Variants in RSRC1 observed in about 807,000 individuals in gnomAD.
The protein encoded by RSRC1 is serine/Arginine-related protein 53.
RSRC1 carries 39 observed loss-of-function variants against 49.1 expected under a neutral mutation model. That is an observed-to-expected ratio of 0.79 (90% CI 0.61 to 1.04). RSRC1 has a LOEUF of 1.04. Among genes scored for constraint, RSRC1 ranks in the 50% least tolerant of loss-of-function variants. RSRC1 has a pLI of 0.00. For missense variants in RSRC1, 388 were observed against 402.4 expected (o/e 0.96, Z 0.31); for synonymous variants, 143 against 130.8 (o/e 1.09, Z -0.63).
intron 7 of RSRC1, chr3:158,469,409 A>G (rs781363847): frequency 7.0e-5 from 31 of 444,808 alleles, no homozygotes; most frequent in Non-Finnish European, 1.3e-4. Context: ...TGATGCATAT[A>G]TGATTCCTGT....
At chr3:158,267,860 A>ATTTTTTTTT (rs368565806) in intron 4 of RSRC1, among the ~76,000 whole-genome samples, 3 of 125,048 alleles carry the variant, frequency 2.4e-5, no homozygotes, top group Admixed American at 8.7e-5. Context: ...TTCCATATCT[A>ATTTTTTTTT]TTTTTTTTTT....
intron 6 of RSRC1, among the ~76,000 whole-genome samples, chr3:158,458,208 AAGG>A (rs5853826): frequency 0.12 from 17,769 of 152,084 alleles, 1,290 homozygotes; most frequent in South Asian, 0.18. Flanking sequence ...GATGCTGACT[AAGG>A]AGGAGCAATA....
chr3:158,143,290 T>C (rs1243663585), intron 3 of RSRC1, among the ~76,000 whole-genome samples: 1 of 152,170 alleles, frequency 6.6e-6, no homozygotes. Flanking sequence ...CAGGCAGGCT[T>C]TAAAATTACT....
At chr3:158,472,438 A>T (rs1738177149) in intron 7 of RSRC1, among the ~76,000 whole-genome samples, 2 of 152,174 alleles carry the variant, frequency 1.3e-5, no homozygotes, top group Non-Finnish European at 1.5e-5. Flanking sequence ...CCTGAAAAAA[A>T]TACAAAATAA....
In RSRC1 at chr3:158,229,263, T is replaced by C. The variant is rs1396197760; in HGVS notation, c.494+26018T>C. On this transcript the variant is annotated intron_variant, in intron 4 of 9. Transcript: ENST00000611884. ...GTATGTATATAAACATACATGTATA[T>C]GTGTATGTATGTATATAAACATACA... Among the ~76,000 whole-genome samples, 14 of 115,900 alleles carry C rather than the reference T, an allele frequency of 1.2e-4. 1 individual carries two copies. In the East Asian group the frequency reaches 3.0e-3, roughly 24 times the overall value. 76.0% of individuals were successfully genotyped at this position (115,900 alleles called of 152,430 possible).
intron 7 of RSRC1, among the ~76,000 whole-genome samples, chr3:158,516,471 G>C (rs1234192811): frequency 5.9e-5 from 9 of 151,896 alleles, no homozygotes; most frequent in African/African-American, 9.7e-5. Context: ...TCTCCAGCTG[G>C]GTGCTGGGAG....
At chr3:158,197,137 G>GT in intron 3 of RSRC1, among the ~76,000 whole-genome samples, 1 of 152,142 alleles carries the variant, frequency 6.6e-6, no homozygotes, top group East Asian at 1.9e-4. Context: ...GTCCTGGACT[G>GT]TTTTTGGTTG....
intron 4 of RSRC1, among the ~76,000 whole-genome samples, chr3:158,265,442 C>A (rs1031367467): frequency 3.4e-4 from 52 of 152,076 alleles, no homozygotes; most frequent in African/African-American, 1.3e-3. Context: ...ACCAGCCTGG[C>A]CAAGATGGTG....
chr3:158,536,623 C>G (rs1486157016), intron 7 of RSRC1, among the ~76,000 whole-genome samples: 2 of 151,308 alleles, frequency 1.3e-5, no homozygotes, highest in Non-Finnish European at 3.0e-5. Context: ...GAGATGCCTA[C>G]TAAAATATTT....
chr3:158,275,815 A>G (rs1725778223), intron 4 of RSRC1: 3 of 490,418 alleles, frequency 6.1e-6, no homozygotes, highest in South Asian at 2.1e-5. Flanking sequence ...TATATTAGTG[A>G]TAACAGTGGA....
intron 6 of RSRC1, among the ~76,000 whole-genome samples, chr3:158,435,219 A>T (rs1277647877): frequency 6.6e-6 from 1 of 151,590 alleles, no homozygotes; most frequent in Admixed American, 6.6e-5. Context: ...AATCTCTTGC[A>T]TTTTTTTTAA....
intron 5 of RSRC1, among the ~76,000 whole-genome samples, chr3:158,299,855 C>T (rs1727439320): frequency 6.6e-6 from 1 of 152,154 alleles, no homozygotes; most frequent in African/African-American, 2.4e-5. Flanking sequence ...GTGCCTTCGG[C>T]TGCCCAGAAA....
intron 3 of RSRC1, 31 bp from the exon 4 acceptor site, chr3:158,203,041 A>G: frequency 3.9e-6 from 6 of 1,540,852 alleles, no homozygotes; most frequent in Non-Finnish European, 5.3e-6. Flanking sequence ...ATTATACACT[A>G]AGTTTATTTA....
intron 3 of RSRC1, among the ~76,000 whole-genome samples, chr3:158,174,238 A>AT (rs909582828): frequency 6.6e-6 from 1 of 151,732 alleles, no homozygotes. Flanking sequence ...TGGTTGATTT[A>AT]TTTTTTTAAT....
intron 3 of RSRC1, among the ~76,000 whole-genome samples, chr3:158,199,110 A>C (rs1202024666): frequency 6.6e-6 from 1 of 152,160 alleles, no homozygotes; most frequent in South Asian, 2.1e-4. Context: ...ATTGGGTCTC[A>C]TGAGATCTGA....
At chr3:158,327,290 C>T (rs924238894) in intron 5 of RSRC1, among the ~76,000 whole-genome samples, 12 of 152,110 alleles carry the variant, frequency 7.9e-5, no homozygotes, top group African/African-American at 2.9e-4. Flanking sequence ...TGAATGTTTG[C>T]TCTTGCTTCT....
At chr3:158,237,504 C>G (rs1233928174) in intron 4 of RSRC1, among the ~76,000 whole-genome samples, 1 of 152,306 alleles carries the variant, frequency 6.6e-6, no homozygotes, top group Non-Finnish European at 1.5e-5. Flanking sequence ...TTGGTGTTGT[C>G]AGTCCTTTGA....
chr3:158,500,074 A>C (rs1474785521), intron 7 of RSRC1, among the ~76,000 whole-genome samples: 1 of 152,212 alleles, frequency 6.6e-6, no homozygotes, highest in Non-Finnish European at 1.5e-5. Context: ...TTAATCATAA[A>C]GTGATGCTGG....
intron 3 of RSRC1, among the ~76,000 whole-genome samples, chr3:158,196,799 ATG>A (rs1355733990): frequency 4.6e-5 from 7 of 152,310 alleles, no homozygotes; most frequent in African/African-American, 1.7e-4. Context: ...ATGCTGGATT[ATG>A]CTTATTGATT....
Sources: allele counts gnomAD v4.1 joint callset (sites outside exome capture counted in the v4.1 genomes callset), GRCh38; gene constraint gnomAD v4.1.1; transcripts MANE v1.5; gene names NCBI Gene and HGNC (gene_info 2026-07-23, HGNC 2026-07-21).